TDRD3: variants seen among roughly 807,000 people sequenced by gnomAD.
TDRD3 encodes the protein tudor domain-containing protein 3.
A neutral mutation model predicts 86.7 loss-of-function variants in TDRD3; 45 were observed. The ratio of observed to expected loss-of-function variants is 0.52; its 90% CI spans 0.41 to 0.67. The LOEUF (loss-of-function observed/expected upper bound fraction) is 0.67, where lower values mean the gene tolerates loss of function less well. TDRD3 is among the 30% of genes least tolerant of loss of function. The pLI is 0.00. For missense variants in TDRD3, 814 were observed against 889.0 expected (o/e 0.92, Z 1.07); for synonymous variants, 298 against 301.7 (o/e 0.99, Z 0.13).
intron 8 of TDRD3, among the ~76,000 whole-genome samples, chr13:60,501,966 CTCTG>C (rs549764829): frequency 1.5e-4 from 23 of 152,290 alleles, no homozygotes; most frequent in Non-Finnish European, 2.5e-4. Flanking sequence ...AATGGAAACT[CTCTG>C]TCTGATATTC....
chr13:60,505,369 G>A (rs1383622526), intron 8 of TDRD3, among the ~76,000 whole-genome samples: 1 of 152,230 alleles, frequency 6.6e-6, no homozygotes, highest in African/African-American at 2.4e-5. Flanking sequence ...CAAATCTGCT[G>A]TAGCCAGACT....
intron 1 of TDRD3, among the ~76,000 whole-genome samples, chr13:60,417,019 C>CTT (rs560202011): frequency 2.5e-4 from 36 of 141,956 alleles, no homozygotes; most frequent in Middle Eastern, 3.8e-3. Flanking sequence ...CTCTCTCTCT[C>CTT]TTTTTTTTTT....
At chr13:60,508,547 G>A (rs919070056) in intron 8 of TDRD3, among the ~76,000 whole-genome samples, 1 of 152,130 alleles carries the variant, frequency 6.6e-6, no homozygotes, top group African/African-American at 2.4e-5. Context: ...AAATTTTGCT[G>A]GGAAAACTGG....
At chr13:60,404,374 G>C (rs559882210) in intron 1 of TDRD3, among the ~76,000 whole-genome samples, 266 of 148,818 alleles carry the variant, frequency 1.8e-3, no homozygotes, top group Middle Eastern at 3.5e-3. Flanking sequence ...GCAGTGGCGG[G>C]ATCTCGGCTC....
At chr13:60,537,165 TGGA>T (rs1241201478) in intron 12 of TDRD3, 7 of 152,130 alleles carry the variant, frequency 4.6e-5, no homozygotes, top group Non-Finnish European at 1.0e-4. Flanking sequence ...CTAAATCTTT[TGGA>T]GATTCTGGTA....
chr13:60,509,919 G>T lies in TDRD3; in HGVS notation c.1015G>T (p.Gly339Cys), dbSNP rs1957021586. The change falls in exon 9 of 14, where the codon GGT (glycine) becomes TGT (cysteine). Residue 339 changes from glycine to cysteine, a missense_variant and splice_region_variant. Coordinates refer to ENST00000377881, the MANE Select transcript of TDRD3 (RefSeq NM_001146070.2). Reference protein sequence around the residue: ...QKPVMGPPLRGRGKGRGRIRS... With the variant: ...QKPVMGPPLRCRGKGRGRIRS... ...ACCTGTTATGGGTCCTCCTCTGAGAGGTATAATTTATTAAGCAGTGTGCCA... is the reference window on the plus strand; with the variant it reads ...ACCTGTTATGGGTCCTCCTCTGAGATGTATAATTTATTAAGCAGTGTGCCA... 1 of 1,612,346 alleles carries T rather than the reference G, an allele frequency of 6.2e-7. No individual in the cohort carries two copies. Among genetic ancestry groups the T allele is most frequent in the Non-Finnish European group, 8.5e-7 (1 of 1,179,196 alleles).
At position 60,397,313 on chromosome 13, in the gene TDRD3, TCCCCATCACCCCCACCCCAGCC is replaced by T. The variant is rs1953944965; in HGVS notation, c.-46_-25del. ...GGGGGGGGGTCTCAAGTAGGAGGCC[TCCCCATCACCCCCACCCCAGCC>T]CCCCACCACCCCCGGCCTAAGCAGC... On this transcript the variant is annotated 5_prime_UTR_variant, in exon 1 of 14. An upstream open reading frame in the 5' UTR loses its in-frame stop. Coordinates refer to ENST00000377881, the MANE Select transcript of TDRD3 (RefSeq NM_001146070.2). 3 of 844,268 alleles carry T rather than the reference TCCCCATCACCCCCACCCCAGCC, an allele frequency of 3.6e-6. No homozygotes were observed. Among genetic ancestry groups the T allele is most frequent in the Non-Finnish European group, 5.1e-6 (3 of 585,418 alleles). 52.3% of individuals were successfully genotyped at this position (844,268 alleles called of 1,614,324 possible). A position where few individuals can be genotyped will look rare whatever the true frequency, so the allele number is the denominator to read the frequency against.
At chr13:60,456,113 A>ATGCCAGTCTTAAATGTCTTAAAT (rs1157258799) in intron 3 of TDRD3, among the ~76,000 whole-genome samples, 5 of 150,706 alleles carry the variant, frequency 3.3e-5, no homozygotes, top group Admixed American at 3.3e-4. Flanking sequence ...ATGTATTTTC[A>ATGCCAGTCTTAAATGTCTTAAAT]GGTTAAGTGT....
intron 3 of TDRD3, among the ~76,000 whole-genome samples, chr13:60,450,179 G>T (rs761531111): frequency 6.6e-6 from 1 of 152,022 alleles, no homozygotes; most frequent in Non-Finnish European, 1.5e-5. Flanking sequence ...GTTTTTTGTT[G>T]CTAGAGCACC....
intron 1 of TDRD3, among the ~76,000 whole-genome samples, chr13:60,429,912 G>C (rs1306169102): frequency 6.6e-6 from 1 of 151,998 alleles, no homozygotes. Flanking sequence ...ATAAACAAGG[G>C]CACCATGTTT....
intron 12 of TDRD3, among the ~76,000 whole-genome samples, chr13:60,550,509 A>T (rs543268111): frequency 6.6e-6 from 1 of 152,120 alleles, no homozygotes; most frequent in Non-Finnish European, 1.5e-5. Flanking sequence ...GAATTTTATA[A>T]AAATGATGAC....
intron 1 of TDRD3, among the ~76,000 whole-genome samples, chr13:60,408,611 C>T (rs757737926): frequency 3.3e-5 from 5 of 152,086 alleles, no homozygotes; most frequent in Admixed American, 1.3e-4. Context: ...ACATTTTGCC[C>T]CTGCCCTAGA....
At chr13:60,514,925 A>G (rs941609229) in intron 10 of TDRD3, among the ~76,000 whole-genome samples, 1 of 152,252 alleles carries the variant, frequency 6.6e-6, no homozygotes, top group South Asian at 2.1e-4. Flanking sequence ...GGAATTATTC[A>G]TTCAATAAAT....
intron 7 of TDRD3, among the ~76,000 whole-genome samples, chr13:60,487,641 A>C (rs1319459856): frequency 6.6e-6 from 1 of 152,172 alleles, no homozygotes; most frequent in Non-Finnish European, 1.5e-5. Context: ...CCAAAGGATG[A>C]CTGTATACCA....
intron 5 of TDRD3, among the ~76,000 whole-genome samples, chr13:60,470,648 A>G (rs182873888): frequency 1.6e-3 from 231 of 140,550 alleles, no homozygotes; most frequent in African/African-American, 5.9e-3. Flanking sequence ...CAATGGCACG[A>G]TTTCGGCTTA....
chr13:60,485,813 T>C lies in TDRD3; in HGVS notation c.582T>C (p.His194=), dbSNP rs544142414. The C allele has an allele frequency of 1.2e-6, 2 of 1,602,402 alleles. No homozygotes were observed. Among genetic ancestry groups the C allele is most frequent in the South Asian group, 1.1e-5 (1 of 88,668 alleles). ...TGTTTTACTAGAAGTGTGTATCTCA[T>C]GTCCAAGTGGATAGCAGAGAACTTG... ...FVPFGQKCVS[H]VQVDSRELDR... The change falls in exon 7 of 14, where the codon CAT becomes CAC. Residue 194 remains histidine (H), a synonymous_variant. Transcript: ENST00000377881.
chr13:60,404,134 A>G (rs1031336219), intron 1 of TDRD3, among the ~76,000 whole-genome samples: 1 of 152,304 alleles, frequency 6.6e-6, no homozygotes, highest in East Asian at 1.9e-4. Flanking sequence ...GTTTTTGTAT[A>G]TGTCTTCTTT....
intron 1 of TDRD3, among the ~76,000 whole-genome samples, chr13:60,398,003 C>A (rs1483003910): frequency 6.6e-6 from 1 of 152,182 alleles, no homozygotes; most frequent in African/African-American, 2.4e-5. Flanking sequence ...TAAGAATGAC[C>A]GCAATGTCAA....
chr13:60,459,029 C>T (rs1411814854), intron 3 of TDRD3, among the ~76,000 whole-genome samples: 1 of 151,946 alleles, frequency 6.6e-6, no homozygotes, highest in African/African-American at 2.4e-5. Flanking sequence ...AATTTTTTTT[C>T]GTAAGTGAAA....
Sources: gnomAD v4.1 joint callset for allele counts (sites outside exome capture counted in the v4.1 genomes callset) on GRCh38, gnomAD v4.1.1 for gene constraint, MANE v1.5 for transcripts, NCBI Gene and HGNC (gene_info 2026-07-23, HGNC 2026-07-21) for gene names.